Variants in PSMD14 observed in about 807,000 individuals in gnomAD.
PSMD14 encodes ubiquitin C-terminal hydrolase PSMD14.
PSMD14 carries 7 observed loss-of-function variants against 41.2 expected under a neutral mutation model. That is an observed-to-expected ratio of 0.17 (90% CI 0.10 to 0.32). The LOEUF (loss-of-function observed/expected upper bound fraction) is 0.32, where lower values mean the gene tolerates loss of function less well. PSMD14 is among the 10% of genes least tolerant of loss of function. PSMD14 has a pLI of 1.00. For synonymous variants in PSMD14, 114 were observed against 122.3 expected (o/e 0.93, Z 0.45); for missense variants, 139 against 375.6 (o/e 0.37, Z 5.21).
chr2:161,375,384 C>G (rs1054137050), intron 7 of PSMD14, among the ~76,000 whole-genome samples: 3 of 151,908 alleles, frequency 2.0e-5, no homozygotes, highest in African/African-American at 4.8e-5. Flanking sequence ...AATACTTATT[C>G]AGAATTTTGT....
At chr2:161,393,256 T>C (rs763537128) in intron 9 of PSMD14, among the ~76,000 whole-genome samples, 16 of 152,196 alleles carry the variant, frequency 1.1e-4, no homozygotes, top group Non-Finnish European at 1.6e-4. Context: ...TAATTATAGG[T>C]AGCTGTATAG....
At chr2:161,368,643 C>G (rs114603551) in intron 5 of PSMD14, among the ~76,000 whole-genome samples, 1,687 of 152,078 alleles carry the variant, frequency 0.011, 43 homozygotes, top group African/African-American at 0.039. Context: ...CACCTGTTTG[C>G]TTAGAAAAAT....
At chr2:161,407,464 T>A (rs918575279) in intron 10 of PSMD14, 1 of 152,138 alleles carries the variant, frequency 6.6e-6, no homozygotes, top group African/African-American at 2.4e-5. Flanking sequence ...ACCTATTCAC[T>A]ATCTTTTCTC....
chr2:161,324,659 AT>A (rs535777564), intron 3 of PSMD14, among the ~76,000 whole-genome samples: 8 of 137,334 alleles, frequency 5.8e-5, no homozygotes, highest in South Asian at 2.3e-4. Context: ...AAGTATGAAG[AT>A]TTTTTTTTTC....
At chr2:161,363,814 T>G (rs954323293) in intron 3 of PSMD14, among the ~76,000 whole-genome samples, 2 of 152,202 alleles carry the variant, frequency 1.3e-5, no homozygotes, top group African/African-American at 4.8e-5. Flanking sequence ...ACAGGCAGGC[T>G]TTGGGGCTCT....
At chr2:161,352,550 A>G (rs949736915) in intron 3 of PSMD14, among the ~76,000 whole-genome samples, 3 of 152,162 alleles carry the variant, frequency 2.0e-5, no homozygotes, top group African/African-American at 7.2e-5. Context: ...CCTATATTAC[A>G]TTTTAAGGAC....
chr2:161,390,054 A>T (rs1683692655), intron 8 of PSMD14, among the ~76,000 whole-genome samples: 1 of 150,804 alleles, frequency 6.6e-6, no homozygotes, highest in African/African-American at 2.4e-5. Context: ...CATCTGTCAA[A>T]ATACAAATTG....
chr2:161,353,566 C>T (rs1273011810), intron 3 of PSMD14, among the ~76,000 whole-genome samples: 1 of 152,172 alleles, frequency 6.6e-6, no homozygotes, highest in Non-Finnish European at 1.5e-5. Context: ...CCCTCCCTCC[C>T]CCTTTTCTTA....
chr2:161,344,611 T>C (rs899228939), intron 3 of PSMD14, among the ~76,000 whole-genome samples: 2 of 127,608 alleles, frequency 1.6e-5, no homozygotes, highest in Non-Finnish European at 3.4e-5. Context: ...TAATATTTAA[T>C]GATGTAGTTA....
chr2:161,411,553 C>T lies in PSMD14; in HGVS notation c.*153C>T, dbSNP rs552641969. ...TGTAACACCTTCAGTCTCAGTTGTGCAATTACTTCTGTTTCTTTAGTCAGG... is the reference window on the plus strand; with the variant it reads ...TGTAACACCTTCAGTCTCAGTTGTGTAATTACTTCTGTTTCTTTAGTCAGG... On this transcript the variant is annotated 3_prime_UTR_variant, in exon 12 of 12. Coordinates refer to ENST00000409682, the MANE Select transcript of PSMD14 (RefSeq NM_005805.6). 3 of 417,302 alleles carry T rather than the reference C, an allele frequency of 7.2e-6. No individual in the cohort carries two copies. The highest frequency in any genetic ancestry group is 1.3e-5 in the Non-Finnish European group (3 of 237,668). The allele number at this position is 417,302 out of a possible 1,614,324, so 25.8% of individuals were successfully genotyped here. A position where few individuals can be genotyped will look rare whatever the true frequency, so the allele number is the denominator to read the frequency against.
intron 3 of PSMD14, chr2:161,341,287 G>A (rs1263893746): frequency 2.9e-6 from 3 of 1,019,606 alleles, no homozygotes; most frequent in Non-Finnish European, 3.5e-6. Context: ...GCGGTGGCCA[G>A]CGCAGGCAGC....
intron 8 of PSMD14, among the ~76,000 whole-genome samples, chr2:161,390,867 G>A (rs1252934371): frequency 6.6e-6 from 1 of 152,114 alleles, no homozygotes; most frequent in Non-Finnish European, 1.5e-5. Flanking sequence ...TACTGAAACT[G>A]CTTAATTTGT....
chr2:161,316,274 C>T (rs1231526347), intron 1 of PSMD14, among the ~76,000 whole-genome samples, 163 bp from the exon 2 acceptor site: 1 of 152,184 alleles, frequency 6.6e-6, no homozygotes. Context: ...CTGTAGCTCC[C>T]TGTAAGGGAG....
In PSMD14 at chr2:161,407,423, T is replaced by C. The variant is rs117684119; in HGVS notation, c.772-1414T>C. On this transcript the variant is annotated intron_variant, in intron 10 of 11. Transcript: ENST00000409682. The stretch of plus-strand genomic sequence containing the variant: ...GCATTTCCTAATGATGTGTTGTAAA[T>C]AAGTATCCTTTGATAATCAGTAGAT... The C allele has an allele frequency of 3.0e-4, 45 of 152,258 alleles. No individual in the cohort carries two copies. The East Asian group carries it at 7.9e-3, about 27-fold the overall frequency. 9.4% of individuals were successfully genotyped at this position (152,258 alleles called of 1,614,324 possible). A position where few individuals can be genotyped will look rare whatever the true frequency, so the allele number is the denominator to read the frequency against.
chr2:161,362,291 A>G (rs914615465), intron 3 of PSMD14, among the ~76,000 whole-genome samples: 2 of 152,148 alleles, frequency 1.3e-5, no homozygotes, highest in Admixed American at 6.5e-5. Flanking sequence ...TTACATCTGT[A>G]TTTTCCCCTA....
intron 9 of PSMD14, among the ~76,000 whole-genome samples, chr2:161,394,359 G>A (rs143766680): frequency 6.6e-6 from 1 of 151,984 alleles, no homozygotes; most frequent in African/African-American, 2.4e-5. Context: ...ATTATAGATG[G>A]AATACCAGAA....
Position 161,333,131 on chromosome 2 carries a change from TTAA to T in PSMD14, c.48+14264_48+14266del, listed in dbSNP as rs376741890. Among the ~76,000 whole-genome samples the T allele has an allele frequency of 2.4e-3, 369 of 152,376 alleles. 1 individual carries two copies. Among genetic ancestry groups the T allele is most frequent in the African/African-American group, 8.2e-3 (343 of 41,590 alleles). On this transcript the variant is annotated intron_variant, in intron 3 of 11. Transcript: ENST00000409682. ...GTAATTATTACATTTTAAAATTTGT[TTAA>T]TAATAGCATAGAAATATAAATTTCT...
chr2:161,410,417 A>G (rs1684008319), intron 11 of PSMD14, among the ~76,000 whole-genome samples: 1 of 152,068 alleles, frequency 6.6e-6, no homozygotes, highest in Admixed American at 6.6e-5. Context: ...TATTTTAACA[A>G]TAATCGTAAG....
At chr2:161,386,852 G>T (rs1683642393) in intron 8 of PSMD14, among the ~76,000 whole-genome samples, 1 of 151,922 alleles carries the variant, frequency 6.6e-6, no homozygotes, top group Admixed American at 6.6e-5. Context: ...CTCACCACCT[G>T]TTGCAGATTT....
Sources: allele counts gnomAD v4.1 joint callset (sites outside exome capture counted in the v4.1 genomes callset), GRCh38; gene constraint gnomAD v4.1.1; transcripts MANE v1.5; gene names NCBI Gene and HGNC (gene_info 2026-07-23, HGNC 2026-07-21).